The following ADAM12 variants were observed in gnomAD, a reference collection of about 807,000 sequenced individuals.
The protein encoded by ADAM12 is disintegrin and metalloproteinase domain-containing protein 12.
A neutral mutation model predicts 106.4 loss-of-function variants in ADAM12; 70 were observed. The ratio of observed to expected loss-of-function variants is 0.66; its 90% CI spans 0.54 to 0.80. The LOEUF (loss-of-function observed/expected upper bound fraction) is 0.80, where lower values mean the gene tolerates loss of function less well. Ranked by LOEUF, ADAM12 falls within the 30% of genes least tolerant of loss-of-function variation. ADAM12 has a pLI of 0.00. For synonymous variants in ADAM12, 420 were observed against 433.5 expected (o/e 0.97, Z 0.39); for missense variants, 1,010 against 1,171.9 (o/e 0.86, Z 2.02).
intron 3 of ADAM12, among the ~76,000 whole-genome samples, chr10:126,219,888 C>T (rs1030257650): frequency 4.6e-5 from 7 of 152,174 alleles, no homozygotes; most frequent in Admixed American, 1.3e-4. Context: ...TTGAACTAGA[C>T]AATCAATGGG....
chr10:126,166,771 T>G (rs1418289767), intron 3 of ADAM12, among the ~76,000 whole-genome samples: 1 of 152,128 alleles, frequency 6.6e-6, no homozygotes, highest in Non-Finnish European at 1.5e-5. Context: ...GCATGAGCCA[T>G]CATGCCCGGC....
chr10:126,320,544 G>A lies in ADAM12; in HGVS notation c.186+9868C>T, dbSNP rs535884404. 2.0e-5 allele frequency among the ~76,000 whole-genome samples: 3 copies of A among 152,292 alleles called. No individual in the cohort carries two copies. The East Asian group carries it at 5.8e-4, about 29-fold the overall frequency. On this transcript the variant is annotated intron_variant, in intron 2 of 22. Coordinates refer to ENST00000448723, the MANE Select transcript of ADAM12 (RefSeq NM_001288973.2). The stretch of plus-strand genomic sequence containing the variant: ...CATCACTATCACAACTACTTATTGA[G>A]TGATTATTAAGGAACGGTCCTCACT...
At chr10:126,174,728 A>G (rs370205595) in intron 3 of ADAM12, among the ~76,000 whole-genome samples, 2 of 150,862 alleles carry the variant, frequency 1.3e-5, no homozygotes, top group Admixed American at 1.3e-4. Flanking sequence ...TGATAATGAC[A>G]TATTTGAGGA....
intron 4 of ADAM12, among the ~76,000 whole-genome samples, chr10:126,143,166 ATATG>A (rs953331914): frequency 1.3e-5 from 2 of 148,412 alleles, no homozygotes; most frequent in Admixed American, 6.7e-5. Context: ...ACGTGTATAT[ATATG>A]TATGTGTGTA....
intron 21 of ADAM12, among the ~76,000 whole-genome samples, chr10:126,021,100 CAGTA>C (rs1292543565): frequency 6.6e-6 from 1 of 151,706 alleles, no homozygotes; most frequent in African/African-American, 2.4e-5. Flanking sequence ...GTCCAGAAGT[CAGTA>C]AGTGTTGGAC....
intron 4 of ADAM12, among the ~76,000 whole-genome samples, chr10:126,151,385 T>C (rs1956726435): frequency 6.6e-6 from 1 of 152,222 alleles, no homozygotes; most frequent in Non-Finnish European, 1.5e-5. Flanking sequence ...ACTTTTAATC[T>C]GAAGATATTA....
chr10:126,114,128 C>A (rs765727086), intron 6 of ADAM12, among the ~76,000 whole-genome samples: 1 of 152,056 alleles, frequency 6.6e-6, no homozygotes, highest in Non-Finnish European at 1.5e-5. Flanking sequence ...CATCCTTGAC[C>A]GTGACTGGCA....
At chr10:126,152,977 T>C (rs1319170112) in intron 4 of ADAM12, among the ~76,000 whole-genome samples, 1 of 152,226 alleles carries the variant, frequency 6.6e-6, no homozygotes, top group Non-Finnish European at 1.5e-5. Flanking sequence ...ACAGTCATTT[T>C]AAGAAGCTTA....
chr10:126,251,875 G>C (rs1958776548), intron 3 of ADAM12, among the ~76,000 whole-genome samples: 1 of 150,002 alleles, frequency 6.7e-6, no homozygotes, highest in South Asian at 2.1e-4. Flanking sequence ...TGGATGGATG[G>C]GATGGATGCA....
In ADAM12 at chr10:126,203,930, G is replaced by GCA. The variant is rs1174975665; in HGVS notation, c.261-48626_261-48625insTG. On this transcript the variant is annotated intron_variant, in intron 3 of 22. Transcript: ENST00000448723. ...AAATCAAGCAAATCAGAGTGAGTGC[G>GCA]CGCGCGCGCGTGTGTGTGTGTGTGT... is the stretch of plus-strand genomic sequence containing the variant. 1.3e-3 allele frequency among the ~76,000 whole-genome samples: 109 copies of GCA among 86,464 alleles called. 1 individual carries two copies. The highest frequency in any genetic ancestry group is 2.6e-3 in the Non-Finnish European group (85 of 32,868). 56.7% of individuals were successfully genotyped at this position (86,464 alleles called of 152,430 possible).
At chr10:126,038,407 C>CTT in intron 19 of ADAM12, 58 bp from the exon 20 acceptor site, 1 of 1,357,626 alleles carries the variant, frequency 7.4e-7, no homozygotes, top group Non-Finnish European at 9.9e-7. Context: ...ACTGACTTGA[C>CTT]TTTTTACACT....
At chr10:126,319,796 T>C (rs1485037703) in intron 2 of ADAM12, among the ~76,000 whole-genome samples, 1 of 152,186 alleles carries the variant, frequency 6.6e-6, no homozygotes, top group Non-Finnish European at 1.5e-5. Flanking sequence ...CCATACTATC[T>C]TTGCAATTTT....
chr10:126,183,869 T>C (rs192058176), intron 3 of ADAM12, among the ~76,000 whole-genome samples: 266 of 152,316 alleles, frequency 1.7e-3, no homozygotes, highest in African/African-American at 6.2e-3. Flanking sequence ...GCGATTTCCG[T>C]GTAACTGCAG....
intron 5 of ADAM12, among the ~76,000 whole-genome samples, chr10:126,130,874 G>A (rs1202925000): frequency 6.6e-6 from 1 of 152,178 alleles, no homozygotes; most frequent in African/African-American, 2.4e-5. Context: ...TAGTTTATAA[G>A]TTGTTTTATT....
intron 12 of ADAM12, among the ~76,000 whole-genome samples, chr10:126,068,801 A>G (rs1013404405): frequency 6.6e-6 from 1 of 152,258 alleles, no homozygotes; most frequent in Non-Finnish European, 1.5e-5. Flanking sequence ...TCTCCAAAGA[A>G]GAAAGAATAA....
chr10:126,145,064 T>C (rs1256744353), intron 4 of ADAM12, among the ~76,000 whole-genome samples: 1 of 152,196 alleles, frequency 6.6e-6, no homozygotes, highest in Non-Finnish European at 1.5e-5. Flanking sequence ...GGAACGTGGG[T>C]TTGCCCCTTG....
intron 21 of ADAM12, among the ~76,000 whole-genome samples, chr10:126,026,564 TAAC>T (rs757395181): frequency 3.3e-5 from 5 of 152,088 alleles, no homozygotes; most frequent in Non-Finnish European, 7.4e-5. Flanking sequence ...ACTGAAATCA[TAAC>T]AGTCTGTCAA....
chr10:126,271,233 C>T (rs1959173700), intron 3 of ADAM12, among the ~76,000 whole-genome samples: 1 of 152,202 alleles, frequency 6.6e-6, no homozygotes, highest in Non-Finnish European at 1.5e-5. Flanking sequence ...TCATCGAAGG[C>T]ATCACTGTTC....
intron 3 of ADAM12, among the ~76,000 whole-genome samples, chr10:126,245,433 A>G (rs1210633210): frequency 6.6e-6 from 1 of 152,194 alleles, no homozygotes; most frequent in Non-Finnish European, 1.5e-5. Context: ...CTATGGAGGC[A>G]TGGGGGACAC....
Sources: allele counts gnomAD v4.1 joint callset (sites outside exome capture counted in the v4.1 genomes callset), GRCh38; gene constraint gnomAD v4.1.1; transcripts MANE v1.5; gene names NCBI Gene and HGNC (gene_info 2026-07-23, HGNC 2026-07-21).